Variants in CPQ observed in about 807,000 individuals in gnomAD.
The protein encoded by CPQ is carboxypeptidase Q, also known as Ser-Met dipeptidase.
In CPQ, 37 loss-of-function variants were observed where a neutral mutation model predicts 45.7. That is an observed-to-expected ratio of 0.81 (90% CI 0.62 to 1.07). The LOEUF is 1.07. CPQ is among the 50% of genes least tolerant of loss of function. The pLI, the probability that CPQ is intolerant of heterozygous loss-of-function variation, is 0.00. For synonymous variants in CPQ, 186 were observed against 205.8 expected, an observed-to-expected ratio of 0.90 and a Z score of 0.82; for missense variants, 537 against 572.9, an observed-to-expected ratio of 0.94 and a Z score of 0.64.
intron 4 of CPQ, among the ~76,000 whole-genome samples, chr8:96,908,745 G>GCACACA (rs1554577087): frequency 1.0e-3 from 17 of 16,906 alleles, no homozygotes; most frequent in East Asian, 1.2e-3. Flanking sequence ...TTATACACAT[G>GCACACA]CGCACACACA....
intron 1 of CPQ, among the ~76,000 whole-genome samples, chr8:96,690,455 A>T (rs978581102): frequency 1.7e-4 from 26 of 152,104 alleles, no homozygotes; most frequent in Middle Eastern, 3.2e-3. Flanking sequence ...AATATAGCTT[A>T]TACATGTGAT....
At chr8:97,112,652 A>G (rs1811516944) in intron 7 of CPQ, among the ~76,000 whole-genome samples, 1 of 152,186 alleles carries the variant, frequency 6.6e-6, no homozygotes, top group Non-Finnish European at 1.5e-5. Flanking sequence ...CACACAGGGG[A>G]ATGAGGGCAT....
intron 6 of CPQ, among the ~76,000 whole-genome samples, chr8:97,050,295 A>G (rs2130505301): frequency 6.6e-6 from 1 of 152,324 alleles, no homozygotes; most frequent in Admixed American, 6.5e-5. Context: ...TACCAGTGTA[A>G]ATAAGTGAAG....
chr8:96,756,110 A>G (rs1411069081), intron 1 of CPQ, among the ~76,000 whole-genome samples: 6 of 152,062 alleles, frequency 3.9e-5, no homozygotes, highest in Non-Finnish European at 8.8e-5. Flanking sequence ...GACTTTATCT[A>G]TTGATTCTTC....
chr8:96,814,986 C>T (rs1489199323), intron 2 of CPQ, among the ~76,000 whole-genome samples: 3 of 152,008 alleles, frequency 2.0e-5, no homozygotes, highest in Non-Finnish European at 4.4e-5. Context: ...TTGGTAGTTG[C>T]CAGGGGTTTG....
intron 7 of CPQ, among the ~76,000 whole-genome samples, chr8:97,079,601 C>A (rs1810912279): frequency 6.6e-6 from 1 of 152,130 alleles, no homozygotes; most frequent in Non-Finnish European, 1.5e-5. Flanking sequence ...TCCCGTGTCA[C>A]ATATAAGATG....
At chr8:96,914,361 A>G (rs1812705022) in intron 4 of CPQ, among the ~76,000 whole-genome samples, 1 of 152,182 alleles carries the variant, frequency 6.6e-6, no homozygotes, top group African/African-American at 2.4e-5. Context: ...TTGTGAAAGG[A>G]AAAGAACAGG....
At chr8:96,910,502 CT>C (rs931205768) in intron 4 of CPQ, among the ~76,000 whole-genome samples, 1 of 151,922 alleles carries the variant, frequency 6.6e-6, no homozygotes, top group East Asian at 1.9e-4. Context: ...GTGTTATAAT[CT>C]TTTTTTTCTC....
At chr8:97,006,559 GT>G (rs1369572837) in intron 5 of CPQ, among the ~76,000 whole-genome samples, 1 of 152,130 alleles carries the variant, frequency 6.6e-6, no homozygotes, top group African/African-American at 2.4e-5. Context: ...TGATTTCTTA[GT>G]CCAAATTGCA....
intron 5 of CPQ, among the ~76,000 whole-genome samples, chr8:96,981,809 G>T (rs1813903077): frequency 6.6e-6 from 1 of 152,148 alleles, no homozygotes; most frequent in African/African-American, 2.4e-5. Flanking sequence ...ATGGAGGAGA[G>T]AACCAATATT....
rs143289852 is a variant in CPQ at position 96,685,628 on chromosome 8, C to T, written c.-35+40226C>T. Among the ~76,000 whole-genome samples, 279 of 152,136 alleles carry T rather than the reference C, an allele frequency of 1.8e-3. 2 individuals are homozygous for T. The highest frequency in any genetic ancestry group is 6.3e-3 in the African/African-American group (261 of 41,538). ...AGCAACTCACCATTTTAAATAATAG[C>T]TTTACAACAGGTTTTTATATCTTGC... On this transcript the variant is annotated intron_variant, in intron 1 of 7. Coordinates refer to ENST00000220763, the MANE Select transcript of CPQ (RefSeq NM_016134.4).
At chr8:96,924,206 T>C (rs1286890379) in intron 4 of CPQ, among the ~76,000 whole-genome samples, 2 of 152,198 alleles carry the variant, frequency 1.3e-5, no homozygotes, top group African/African-American at 4.8e-5. Flanking sequence ...TAGCATCTGC[T>C]TCAACCTCTG....
intron 4 of CPQ, among the ~76,000 whole-genome samples, chr8:96,961,344 C>A (rs1249632987): frequency 6.6e-6 from 1 of 152,132 alleles, no homozygotes; most frequent in Non-Finnish European, 1.5e-5. Flanking sequence ...TTCATAATTT[C>A]TTTTCTGTGA....
At chr8:97,029,623 T>G in intron 6 of CPQ, 129 bp downstream of exon 6, 1 of 757,818 alleles carries the variant, frequency 1.3e-6, no homozygotes, top group South Asian at 1.6e-5. Context: ...TGTATGAGCC[T>G]TCTCCCTCCA....
At chr8:96,827,682 C>T (rs970362187) in intron 2 of CPQ, among the ~76,000 whole-genome samples, 2 of 151,962 alleles carry the variant, frequency 1.3e-5, no homozygotes, top group African/African-American at 4.8e-5. Flanking sequence ...ATGATGGTCA[C>T]AAGAAGCCTG....
chr8:96,769,560 C>T (rs770880885), intron 1 of CPQ, among the ~76,000 whole-genome samples: 3 of 151,956 alleles, frequency 2.0e-5, no homozygotes, highest in South Asian at 2.1e-4. Flanking sequence ...TTTGGATTTC[C>T]GCATAGATTT....
chr8:96,875,139 A>G (rs1313190516), intron 3 of CPQ, among the ~76,000 whole-genome samples: 1 of 151,910 alleles, frequency 6.6e-6, no homozygotes, highest in Non-Finnish European at 1.5e-5. Context: ...CTTTGGAGAA[A>G]TGTCTATTCA....
intron 4 of CPQ, among the ~76,000 whole-genome samples, chr8:96,955,012 G>T (rs1251947705): frequency 6.6e-6 from 1 of 152,194 alleles, no homozygotes; most frequent in Admixed American, 6.5e-5. Context: ...GGACATTTGG[G>T]TTGGTTCCAA....
At chr8:97,122,666 A>C (rs533143296) in intron 7 of CPQ, among the ~76,000 whole-genome samples, 1 of 151,942 alleles carries the variant, frequency 6.6e-6, no homozygotes, top group Admixed American at 6.6e-5. Flanking sequence ...CACGCGGATC[A>C]TTGAGGTCCG....
Sources: gnomAD v4.1 joint callset for allele counts (sites outside exome capture counted in the v4.1 genomes callset) on GRCh38, gnomAD v4.1.1 for gene constraint, MANE v1.5 for transcripts, NCBI Gene and HGNC (gene_info 2026-07-23, HGNC 2026-07-21) for gene names.